PHACTR2: variants seen among roughly 807,000 people sequenced by gnomAD.
The protein encoded by PHACTR2 is phosphatase and actin regulator 2, also known as chromosome 6 open reading frame 56.
A neutral mutation model predicts 76.0 loss-of-function variants in PHACTR2; 30 were observed. The ratio of observed to expected loss-of-function variants is 0.39; its 90% CI spans 0.30 to 0.54. PHACTR2 has a LOEUF of 0.54. PHACTR2 is among the 20% of genes least tolerant of loss of function. The pLI, the probability that PHACTR2 is intolerant of heterozygous loss-of-function variation, is 0.61. For missense variants in PHACTR2, 696 were observed against 781.1 expected (o/e 0.89, Z 1.30); for synonymous variants, 292 against 292.5 (o/e 1.00, Z 0.02).
At position 143,765,361 on chromosome 6, in the gene PHACTR2, T is replaced by A. The variant is rs1386754359; in HGVS notation, c.795T>A (p.Val265=). 1 of 1,614,120 alleles carries A rather than the reference T, an allele frequency of 6.2e-7. No individual in the cohort carries two copies. Among genetic ancestry groups the A allele is most frequent in the Admixed American group, 1.7e-5 (1 of 60,022 alleles). The change falls in exon 6 of 13, where the codon GTT becomes GTA. Residue 265 remains valine, a synonymous_variant. Transcript: ENST00000440869. This position sits in a 1 kb window ranked among gnomAD's most constrained non-coding sequence, Gnocchi z 4.1. ...SSRPKASKET[V]SSKAGTVGTT... ...GTCCCAAAGCTTCAAAGGAGACAGT[T>A]TCTAGCAAAGCAGGGACAGTGGGGA... is the stretch of plus-strand genomic sequence containing the variant.
At chr6:143,667,354 T>G (rs2128449756) in intron 1 of PHACTR2, among the ~76,000 whole-genome samples, 1 of 152,356 alleles carries the variant, frequency 6.6e-6, no homozygotes, top group African/African-American at 2.4e-5. Flanking sequence ...TTGTCTTGGC[T>G]ATACAAGTTC....
intron 2 of PHACTR2, 106 bp downstream of exon 2, chr6:143,712,289 G>T (rs377171403): frequency 2.6e-5 from 17 of 645,062 alleles, no homozygotes; most frequent in African/African-American, 1.9e-4. Context: ...AAATTAATCC[G>T]TATTTGAAAT....
chr6:143,821,198 A>G lies in PHACTR2; in HGVS notation c.1923-2476A>G, dbSNP rs1045798296. On this transcript the variant is annotated intron_variant, in intron 12 of 12. Coordinates refer to ENST00000440869, the MANE Select transcript of PHACTR2 (RefSeq NM_001100164.2). The surrounding 1 kb of genome is among the most constrained non-coding windows in gnomAD (Gnocchi z 5.2). ...CCAAGGTTACAGTCAGGGATAGACT[A>G]AGAACAGAACTCAAAGTGGACACAT... 6.6e-6 allele frequency among the ~76,000 whole-genome samples: 1 copy of G among 152,248 alleles called. No homozygotes were observed. The highest frequency in any genetic ancestry group is 6.5e-5 in the Admixed American group (1 of 15,286).
rs1254516941 is a variant in PHACTR2, at chr6:143,782,572, G to A, written c.1646-647G>A. 6.6e-6 allele frequency among the ~76,000 whole-genome samples: 1 copy of A among 152,162 alleles called. No homozygotes were observed. Among genetic ancestry groups the A allele is most frequent in the African/African-American group, 2.4e-5 (1 of 41,428 alleles). On this transcript the variant is annotated intron_variant, in intron 9 of 12. Coordinates refer to ENST00000440869, the MANE Select transcript of PHACTR2 (RefSeq NM_001100164.2). The surrounding 1 kb of genome is among the most constrained non-coding windows in gnomAD (Gnocchi z 4.6). ...ACTACTTGGTGAATCACTAGAGAAC[G>A]AGAAGACTTTGGAAAGGCAAAGTCA...
upstream of PHACTR2, among the ~76,000 whole-genome samples, chr6:143,606,819 G>A (rs909877388): frequency 1.3e-5 from 2 of 152,090 alleles, no homozygotes; most frequent in African/African-American, 4.8e-5. Flanking sequence ...TAAATTCATA[G>A]AGTGATATAC....
intron 1 of PHACTR2, among the ~76,000 whole-genome samples, chr6:143,635,612 A>G (rs576424462): frequency 8.5e-4 from 129 of 152,318 alleles, no homozygotes; most frequent in African/African-American, 2.8e-3. Flanking sequence ...TGGCAACCCA[A>G]TAGGTGAAAA....
chr6:143,796,381 TTCTTTCTTTC>T (rs1262119139), intron 11 of PHACTR2, among the ~76,000 whole-genome samples: 1 of 26,160 alleles, frequency 3.8e-5, no homozygotes, highest in Non-Finnish European at 9.2e-5. Context: ...TCTTTTTCTT[TTCTTTCTTTC>T]TTTCTTTCTT....
intron 1 of PHACTR2, among the ~76,000 whole-genome samples, chr6:143,702,049 C>A (rs1235145688): frequency 6.6e-6 from 1 of 151,908 alleles, no homozygotes; most frequent in Non-Finnish European, 1.5e-5. Flanking sequence ...TTACAGTTTA[C>A]CATCCCAGTT....
At chr6:143,779,208 C>A (rs1031821878) in intron 9 of PHACTR2, among the ~76,000 whole-genome samples, 1 of 152,124 alleles carries the variant, frequency 6.6e-6, no homozygotes, top group South Asian at 2.1e-4. Context: ...CTCTACTCAG[C>A]CCGTTTGTGT....
intron 1 of PHACTR2, among the ~76,000 whole-genome samples, chr6:143,586,035 A>AT (rs1775626079): frequency 6.6e-6 from 1 of 152,130 alleles, no homozygotes. Context: ...AGCAATTGAG[A>AT]TTTTTGTTAT....
intron 1 of PHACTR2, among the ~76,000 whole-genome samples, chr6:143,587,846 T>G (rs1775645344): frequency 6.6e-6 from 1 of 151,844 alleles, no homozygotes; most frequent in Non-Finnish European, 1.5e-5. Context: ...AAACCCCGTC[T>G]CTACTAAAAA....
chr6:143,673,253 A>G (rs1777187762), upstream of PHACTR2, among the ~76,000 whole-genome samples: 1 of 152,176 alleles, frequency 6.6e-6, no homozygotes, highest in Non-Finnish European at 1.5e-5. Context: ...ATTTACAGTC[A>G]CAGACAGACT....
rs1437276017 is a variant in PHACTR2 at position 143,608,760 on chromosome 6, T to C, written c.13+438T>C. On this transcript the variant is annotated intron_variant, in intron 1 of 11. Coordinates refer to the PHACTR2 transcript ENST00000305766. The surrounding 1 kb of genome is among the most constrained non-coding windows in gnomAD (Gnocchi z 4.6). ...GCATAAGAGCTCTTTGGTCTGATGC[T>C]TTCATCTTCACGTTAGGATGCAATG... Among the ~76,000 whole-genome samples the C allele has an allele frequency of 1.3e-5, 2 of 152,220 alleles. No individual in the cohort carries two copies. The highest frequency in any genetic ancestry group is 2.9e-5 in the Non-Finnish European group (2 of 68,036).
rs1276490384 is a variant in PHACTR2, at chr6:143,610,747, A to C, written c.13+2425A>C. Among the ~76,000 whole-genome samples the C allele has an allele frequency of 6.6e-6, 1 of 152,218 alleles. No homozygotes were observed. The highest frequency in any genetic ancestry group is 2.4e-5 in the African/African-American group (1 of 41,452). ...CTCTCCTTAGCAGCAAAGAGCTGAC[A>C]TTCCTACTATCTCAGAGAAGGAGAC... On this transcript the variant is annotated intron_variant, in intron 1 of 11. Transcript: ENST00000305766. The surrounding 1 kb of genome is among the most constrained non-coding windows in gnomAD (Gnocchi z 4.9).
chr6:143,546,718 G>A lies in PHACTR2; in HGVS notation c.217+9511G>A, dbSNP rs1775006726. ...TGTTTGGAGAACAAGACAGAAAGGTGTGATAATGATAAAGAATGTGATTTA... is the reference window on the plus strand; with the variant it reads ...TGTTTGGAGAACAAGACAGAAAGGTATGATAATGATAAAGAATGTGATTTA... On this transcript the variant is annotated intron_variant, in intron 1 of 11. Transcript: ENST00000367584. The surrounding 1 kb of genome is among the most constrained non-coding windows in gnomAD (Gnocchi z 4.9). 6.6e-6 allele frequency among the ~76,000 whole-genome samples: 1 copy of A among 152,060 alleles called. No individual in the cohort carries two copies. The highest frequency in any genetic ancestry group is 2.4e-5 in the African/African-American group (1 of 41,416).
intron 1 of PHACTR2, among the ~76,000 whole-genome samples, chr6:143,707,260 C>T (rs1778076054): frequency 6.6e-6 from 1 of 152,218 alleles, no homozygotes; most frequent in Non-Finnish European, 1.5e-5. Flanking sequence ...AAAGCATACA[C>T]AGCAGAGTGT....
chr6:143,787,793 C>T lies in PHACTR2; in HGVS notation c.1708-980C>T, dbSNP rs1406584631. On this transcript the variant is annotated intron_variant, in intron 10 of 12. Coordinates refer to ENST00000440869, the MANE Select transcript of PHACTR2 (RefSeq NM_001100164.2). The surrounding 1 kb of genome is among the most constrained non-coding windows in gnomAD (Gnocchi z 4.6). ...AAATAAGCAATATCTCCGGAGAGGA[C>T]CACTTAGATGATGGGTAGTCTGGCT... Among the ~76,000 whole-genome samples the T allele has an allele frequency of 6.6e-6, 1 of 151,948 alleles. No homozygotes were observed. The highest frequency in any genetic ancestry group is 1.5e-5 in the Non-Finnish European group (1 of 68,002).
At chr6:143,576,875 C>CAAAAAAAAA (rs35937662) in intron 1 of PHACTR2, among the ~76,000 whole-genome samples, 1 of 102,558 alleles carries the variant, frequency 9.8e-6, no homozygotes, top group African/African-American at 3.8e-5. Flanking sequence ...GACTCTGTCT[C>CAAAAAAAAA]AAAAAAAAAA....
intron 1 of PHACTR2, 120 bp from the exon 2 acceptor site, chr6:143,711,896 A>C: frequency 1.1e-6 from 1 of 869,776 alleles, no homozygotes; most frequent in Admixed American, 1.7e-5. Context: ...AATAAACTTT[A>C]TGTGAGATTC....
Sources: gnomAD v4.1 joint callset for allele counts (sites outside exome capture counted in the v4.1 genomes callset) on GRCh38, gnomAD v4.1.1 for gene constraint, Gnocchi (gnomAD v3.1) non-coding constraint, MANE v1.5 for transcripts, NCBI Gene and HGNC (gene_info 2026-07-23, HGNC 2026-07-21) for gene names.